SECISBP2: variants seen among roughly 807,000 people sequenced by gnomAD.
The protein encoded by SECISBP2 is selenocysteine insertion sequence-binding protein 2.
In SECISBP2, 96 loss-of-function variants were observed where a neutral mutation model predicts 98.2. That is an observed-to-expected ratio of 0.98 (90% CI 0.83 to 1.16). The LOEUF (loss-of-function observed/expected upper bound fraction) is 1.16. SECISBP2 is among the 50% of genes most tolerant of loss of function. The probability of loss-of-function intolerance (pLI) is 0.00; values close to 1 mark genes in which losing one functional copy is unlikely to be tolerated. For missense variants in SECISBP2, 1,046 were observed against 1,022.9 expected, an observed-to-expected ratio of 1.02 and a Z score of -0.31; for synonymous variants, 407 against 370.2, an observed-to-expected ratio of 1.10 and a Z score of -1.14.
intron 5 of SECISBP2, among the ~76,000 whole-genome samples, chr9:89,331,000 T>C (rs1041358601): frequency 6.6e-6 from 1 of 152,240 alleles, no homozygotes; most frequent in African/African-American, 2.4e-5. Flanking sequence ...TTGAATTATG[T>C]GTGGGCTTTT....
chr9:89,349,577 G>T (rs779403389), intron 12 of SECISBP2, among the ~76,000 whole-genome samples, 199 bp from the exon 13 acceptor site: 5 of 152,226 alleles, frequency 3.3e-5, no homozygotes, highest in Non-Finnish European at 7.3e-5. Flanking sequence ...AGGCATGACT[G>T]CCTCCACCAG....
chr9:89,335,996 C>T (rs1828607947), intron 7 of SECISBP2, among the ~76,000 whole-genome samples: 1 of 147,258 alleles, frequency 6.8e-6, no homozygotes, highest in African/African-American at 2.5e-5. Context: ...TGGTACGTGT[C>T]ACTAATTTTT....
At chr9:89,352,663 C>G (rs1404861616) in intron 14 of SECISBP2, among the ~76,000 whole-genome samples, 1 of 152,120 alleles carries the variant, frequency 6.6e-6, no homozygotes, top group Non-Finnish European at 1.5e-5. Context: ...ATGTCAGGGT[C>G]GGGCCTCCTG....
downstream of SECISBP2, chr9:89,363,907 A>C: frequency 6.2e-7 from 1 of 1,614,100 alleles, no homozygotes; most frequent in Non-Finnish European, 8.5e-7. Flanking sequence ...AGGTCTCCAG[A>C]GCTCGCCCAT....
intron 7 of SECISBP2, among the ~76,000 whole-genome samples, chr9:89,336,467 G>A (rs970547250): frequency 2.6e-5 from 4 of 151,884 alleles, no homozygotes; most frequent in Non-Finnish European, 5.9e-5. Context: ...GCCTTGTTTA[G>A]CGTAATGGTT....
intron 11 of SECISBP2, among the ~76,000 whole-genome samples, 194 bp downstream of exon 11, chr9:89,347,242 T>C (rs1830550548): frequency 6.6e-6 from 1 of 152,186 alleles, no homozygotes; most frequent in Non-Finnish European, 1.5e-5. Flanking sequence ...ACATGTGATG[T>C]GGGGAATGCT....
At chr9:89,334,986 G>C (rs141973891) in intron 7 of SECISBP2, among the ~76,000 whole-genome samples, 1 of 152,128 alleles carries the variant, frequency 6.6e-6, no homozygotes, top group Admixed American at 6.5e-5. Context: ...AGGCCAAGGC[G>C]GGCAGATCAC....
rs990656404 is a variant in SECISBP2 at position 89,318,509 on chromosome 9, T to C, written c.-68T>C. The C allele has an allele frequency of 4.6e-4, 683 of 1,477,838 alleles. 7 individuals carry two copies. The highest frequency in any genetic ancestry group is 8.7e-5 in the Non-Finnish European group (96 of 1,103,414). The allele number at this position is 1,477,838 out of a possible 1,614,324, so 91.5% of individuals were successfully genotyped here. On this transcript the variant is annotated 5_prime_UTR_variant, in exon 1 of 17. Transcript: ENST00000375807. ...CGTCGCCTGCGGGGGCGGAAACGCT[T>C]TGTCTGTCCGGCAAGCCGACGGCCC...
chr9:89,323,019 A>G (rs1826074998), intron 2 of SECISBP2: 1 of 152,224 alleles, frequency 6.6e-6, no homozygotes, highest in Admixed American at 6.5e-5. Context: ...TGGAAATAGT[A>G]AAGAAACTAC....
chr9:89,363,384 C>A (rs374369360), downstream of SECISBP2: 15 of 1,600,162 alleles, frequency 9.4e-6, no homozygotes, highest in Non-Finnish European at 1.2e-5. Context: ...AGGTGCCCTG[C>A]CCCTGGCTCC....
intron 10 of SECISBP2, among the ~76,000 whole-genome samples, chr9:89,342,093 A>G (rs1237133651): frequency 6.6e-6 from 1 of 152,248 alleles, no homozygotes. Context: ...CCAGCTGAAT[A>G]GCAAACAATC....
chr9:89,343,985 A>G (rs910919276), intron 10 of SECISBP2, among the ~76,000 whole-genome samples: 1 of 152,210 alleles, frequency 6.6e-6, no homozygotes, highest in Admixed American at 6.5e-5. Flanking sequence ...TTTTCTCCGC[A>G]ACCTCGCCAG....
At chr9:89,352,641 G>A (rs1279389238) in intron 14 of SECISBP2, among the ~76,000 whole-genome samples, 1 of 152,296 alleles carries the variant, frequency 6.6e-6, no homozygotes, top group South Asian at 2.1e-4. Flanking sequence ...GTCCCTGCCA[G>A]CTCTTGGAAG....
downstream of SECISBP2, chr9:89,363,359 T>C (rs1833046080): frequency 1.3e-6 from 2 of 1,590,830 alleles, no homozygotes. Context: ...CCTTGAAAGA[T>C]CCACTGGATG....
At chr9:89,362,287 T>C, downstream of SECISBP2, 3 of 1,584,860 alleles carry the variant, frequency 1.9e-6, 1 homozygote, top group East Asian at 6.7e-5. Context: ...AGAGCAGGCT[T>C]GGGCAAGACA....
At chr9:89,354,794 C>T in intron 14 of SECISBP2, 1 of 985,382 alleles carries the variant, frequency 1.0e-6, no homozygotes, top group Non-Finnish European at 1.2e-6. Flanking sequence ...AGATTCACTC[C>T]CGGGAGCTGG....
chr9:89,335,613 G>A (rs181951268), intron 7 of SECISBP2, among the ~76,000 whole-genome samples: 1 of 152,232 alleles, frequency 6.6e-6, no homozygotes, highest in African/African-American at 2.4e-5. Flanking sequence ...TTACTGGCGT[G>A]AGCCACCGTG....
chr9:89,329,143 T>C, intron 5 of SECISBP2: 1 of 445,170 alleles, frequency 2.2e-6, no homozygotes, highest in Non-Finnish European at 4.1e-6. Context: ...AAACGGAGTC[T>C]CGCTCTGTCA....
At position 89,358,925 on chromosome 9, in the gene SECISBP2, A is replaced by C; in HGVS notation, c.*101A>C. The C allele has an allele frequency of 1.3e-6, 1 of 771,004 alleles. No homozygotes were observed. Among genetic ancestry groups the C allele is most frequent in the African/African-American group, 1.7e-5 (1 of 58,314 alleles). The allele number at this position is 771,004 out of a possible 1,614,324, so 47.8% of individuals were successfully genotyped here. A position where few individuals can be genotyped will look rare whatever the true frequency, so the allele number is the denominator to read the frequency against. On this transcript the variant is annotated 3_prime_UTR_variant, in exon 17 of 17. Coordinates refer to ENST00000375807, the MANE Select transcript of SECISBP2 (RefSeq NM_024077.5). ...TTTTCATGACAATGTAATTTGTGTA[A>C]CTGTTGAATCTGGAAATTGATCAGC...
Sources: allele counts gnomAD v4.1 joint callset (sites outside exome capture counted in the v4.1 genomes callset), GRCh38; gene constraint gnomAD v4.1.1; transcripts MANE v1.5; gene names NCBI Gene and HGNC (gene_info 2026-07-23, HGNC 2026-07-21).